CPED1: variants seen among roughly 807,000 people sequenced by gnomAD.
CPED1 encodes the protein cadherin-like and PC-esterase domain-containing protein 1.
In CPED1, 114 loss-of-function variants were observed where a neutral mutation model predicts 128.2. The observed-to-expected ratio is 0.89, with a 90% CI of 0.76 to 1.04. The LOEUF is 1.04. Ranked by LOEUF, CPED1 falls within the 50% of genes least tolerant of loss-of-function variation. The pLI, the probability that CPED1 is intolerant of heterozygous loss-of-function variation, is 0.00. For synonymous variants in CPED1, 462 were observed against 426.7 expected, an observed-to-expected ratio of 1.08 and a Z score of -1.02; for missense variants, 1,211 against 1,207.1, an observed-to-expected ratio of 1.00 and a Z score of -0.05.
chr7:121,129,303 A>ACG (rs67820232), intron 11 of CPED1, among the ~76,000 whole-genome samples: 3 of 7,456 alleles, frequency 4.0e-4, no homozygotes, highest in Non-Finnish European at 5.1e-4. Flanking sequence ...ATATATATAT[A>ACG]TATATATACG....
At chr7:121,289,621 T>G (rs1792650982) in intron 22 of CPED1, among the ~76,000 whole-genome samples, 1 of 152,150 alleles carries the variant, frequency 6.6e-6, no homozygotes, top group South Asian at 2.1e-4. Context: ...CACTACCTTA[T>G]ATGAGATGAA....
rs555391286 is a variant in CPED1 at position 121,000,464 on chromosome 7, TA to T, written c.249+10595del. 2.1e-4 allele frequency among the ~76,000 whole-genome samples: 32 copies of T among 152,244 alleles called. 2 individuals carry two copies. In the South Asian group the frequency reaches 6.6e-3, roughly 32 times the overall value. Reference sequence around the variant, plus strand: ...TTCAATTAAATTCACTAATAGAGGCTAGGGGTATTTACGATCCAAAATAATA... The same window carrying T: ...TTCAATTAAATTCACTAATAGAGGCTGGGGTATTTACGATCCAAAATAATA... On this transcript the variant is annotated intron_variant, in intron 2 of 22. Coordinates refer to ENST00000310396, the MANE Select transcript of CPED1 (RefSeq NM_024913.5).
intron 16 of CPED1, among the ~76,000 whole-genome samples, chr7:121,206,470 C>G (rs1797519466): frequency 6.6e-6 from 1 of 151,898 alleles, no homozygotes; most frequent in Non-Finnish European, 1.5e-5. Flanking sequence ...GCCATGATGA[C>G]CTTTTAATAA....
chr7:121,049,375 T>A (rs1019865419), intron 4 of CPED1, among the ~76,000 whole-genome samples: 22 of 152,192 alleles, frequency 1.4e-4, no homozygotes, highest in African/African-American at 2.2e-4. Flanking sequence ...GGAGTGTAGC[T>A]TTTGCCATAT....
chr7:121,008,807 G>C (rs767396506), intron 2 of CPED1, among the ~76,000 whole-genome samples: 1 of 151,898 alleles, frequency 6.6e-6, no homozygotes, highest in African/African-American at 2.4e-5. Flanking sequence ...GTGCTTCACT[G>C]TTGCATTCCC....
chr7:121,016,486 T>G (rs188253339), intron 3 of CPED1, among the ~76,000 whole-genome samples: 55 of 152,358 alleles, frequency 3.6e-4, no homozygotes, highest in African/African-American at 1.3e-3. Flanking sequence ...TGGTCACATT[T>G]AACTTACACT....
At chr7:121,284,810 T>C (rs1367269130) in intron 22 of CPED1, among the ~76,000 whole-genome samples, 1 of 152,210 alleles carries the variant, frequency 6.6e-6, no homozygotes, top group African/African-American at 2.4e-5. Flanking sequence ...TTTTACAGGA[T>C]GGCGTTGAGT....
intron 16 of CPED1, among the ~76,000 whole-genome samples, chr7:121,162,569 C>CA (rs574557923): frequency 3.3e-5 from 5 of 152,080 alleles, no homozygotes; most frequent in African/African-American, 1.2e-4. Context: ...ATTGTTAATT[C>CA]AAAAAAACCT....
intron 16 of CPED1, among the ~76,000 whole-genome samples, chr7:121,145,074 A>G (rs1795993161): frequency 7.0e-6 from 1 of 143,102 alleles, no homozygotes; most frequent in South Asian, 2.2e-4. Flanking sequence ...AATTAACTGC[A>G]TTTAAGATTT....
chr7:121,109,695 T>G (rs1795060153), intron 7 of CPED1, among the ~76,000 whole-genome samples: 1 of 152,158 alleles, frequency 6.6e-6, no homozygotes, highest in Non-Finnish European at 1.5e-5. Context: ...CTACTAGAAA[T>G]TTTTTCAGAT....
At chr7:121,223,271 G>A (rs1424494867) in intron 16 of CPED1, among the ~76,000 whole-genome samples, 1 of 152,078 alleles carries the variant, frequency 6.6e-6, no homozygotes, top group East Asian at 1.9e-4. Context: ...ATTGATTTGT[G>A]TGTGTTGAAC....
At chr7:121,261,612 T>C (rs778823585) in intron 18 of CPED1, 9 of 1,606,734 alleles carry the variant, frequency 5.6e-6, no homozygotes, top group African/African-American at 1.3e-5. Context: ...ACCTGACAGC[T>C]TCTTTTTTCC....
chr7:121,026,503 G>A (rs778770261), intron 3 of CPED1, among the ~76,000 whole-genome samples: 61 of 152,050 alleles, frequency 4.0e-4, no homozygotes, highest in Non-Finnish European at 7.6e-4. Flanking sequence ...CTGCCATGGG[G>A]TCAGACACTT....
intron 2 of CPED1, among the ~76,000 whole-genome samples, chr7:121,012,357 G>A (rs1585017016): frequency 6.6e-6 from 1 of 152,306 alleles, no homozygotes; most frequent in East Asian, 1.9e-4. Context: ...AGAGGCAAGT[G>A]AACACTCAGA....
At chr7:121,123,025 G>A (rs552377236) in intron 7 of CPED1, among the ~76,000 whole-genome samples, 4 of 152,114 alleles carry the variant, frequency 2.6e-5, no homozygotes, top group South Asian at 4.1e-4. Flanking sequence ...GAAATATAAT[G>A]AGTTACTTTT....
chr7:121,010,628 G>T (rs915452219), intron 2 of CPED1, among the ~76,000 whole-genome samples: 4 of 152,154 alleles, frequency 2.6e-5, no homozygotes, highest in African/African-American at 9.7e-5. Flanking sequence ...GAGTGAACTT[G>T]CCTATCATTA....
intron 5 of CPED1, among the ~76,000 whole-genome samples, chr7:121,093,281 C>T (rs967482320): frequency 6.6e-6 from 1 of 152,010 alleles, no homozygotes; most frequent in Non-Finnish European, 1.5e-5. Flanking sequence ...CAACATTCAA[C>T]AATTTTTTTT....
chr7:121,084,111 C>T (rs77525734), intron 5 of CPED1, among the ~76,000 whole-genome samples: 93 of 152,250 alleles, frequency 6.1e-4, no homozygotes, highest in African/African-American at 2.1e-3. Context: ...TTCTTTGCCT[C>T]TACCTACATT....
intron 5 of CPED1, among the ~76,000 whole-genome samples, chr7:121,075,531 G>A (rs1417546268): frequency 2.0e-5 from 3 of 151,908 alleles, no homozygotes; most frequent in Non-Finnish European, 4.4e-5. Context: ...GCAGTGGCGC[G>A]ATCTTGCTGC....
Sources: gnomAD v4.1 joint callset for allele counts (sites outside exome capture counted in the v4.1 genomes callset) on GRCh38, gnomAD v4.1.1 for gene constraint, MANE v1.5 for transcripts, NCBI Gene and HGNC (gene_info 2026-07-23, HGNC 2026-07-21) for gene names.